The following KPNA3 variants were observed in gnomAD, a reference collection of about 807,000 sequenced individuals.
The protein encoded by KPNA3 is importin subunit alpha-4.
A neutral mutation model predicts 73.8 loss-of-function variants in KPNA3; 13 were observed. The observed-to-expected ratio is 0.18, with a 90% CI of 0.11 to 0.28. KPNA3 has a LOEUF of 0.28. Among genes scored for constraint, KPNA3 ranks in the 10% least tolerant of loss-of-function variants. KPNA3 has a pLI of 1.00. For missense variants in KPNA3, 360 were observed against 618.1 expected (o/e 0.58, Z 4.43); for synonymous variants, 186 against 206.9 (o/e 0.90, Z 0.87).
intron 1 of KPNA3, among the ~76,000 whole-genome samples, chr13:49,751,334 C>T (rs909432379): frequency 6.6e-6 from 1 of 152,132 alleles, no homozygotes; most frequent in African/African-American, 2.4e-5. Flanking sequence ...TGAAATCAAA[C>T]AAGTCAACCA....
intron 10 of KPNA3, among the ~76,000 whole-genome samples, chr13:49,716,587 CATCATGATGCCCAGCTA>C (rs1954306162): frequency 6.6e-6 from 1 of 152,164 alleles, no homozygotes; most frequent in Admixed American, 6.5e-5. Context: ...TACAGGCACG[CATCATGATGCCCAGCTA>C]ATTTTTGTAT....
intron 6 of KPNA3, among the ~76,000 whole-genome samples, chr13:49,731,003 A>AT (rs1954463223): frequency 6.6e-6 from 1 of 151,112 alleles, no homozygotes; most frequent in African/African-American, 2.4e-5. Context: ...GATGGTCTCG[A>AT]TCTCCTGACC....
chr13:49,735,753 G>GT (rs1018580699), intron 2 of KPNA3, among the ~76,000 whole-genome samples: 1 of 152,116 alleles, frequency 6.6e-6, no homozygotes, highest in Non-Finnish European at 1.5e-5. Context: ...ACGTATGCAT[G>GT]TATCTACCTA....
Position 49,717,440 on chromosome 13 carries a change from G to GAAAAAAAAAAAAAA in KPNA3, c.771+2321_771+2334dup, listed in dbSNP as rs61581557. On this transcript the variant is annotated intron_variant, in intron 10 of 16. Transcript: ENST00000261667. ...GCAAGACTCCATCTCGGAAAAAAAA[G>GAAAAAAAAAAAAAA]AAAAAAAAAAAAAAAAGAATCAAAG... 1.3e-4 allele frequency among the ~76,000 whole-genome samples: 17 copies of GAAAAAAAAAAAAAA among 126,842 alleles called. 1 individual carries two copies. In the East Asian group the frequency reaches 2.2e-3, roughly 17 times the overall value. 83.2% of individuals were successfully genotyped at this position (126,842 alleles called of 152,430 possible). A position where few individuals can be genotyped will look rare whatever the true frequency, so the allele number is the denominator to read the frequency against.
chr13:49,719,123 T>C (rs565751768), intron 10 of KPNA3, among the ~76,000 whole-genome samples: 1 of 152,266 alleles, frequency 6.6e-6, no homozygotes, highest in Admixed American at 6.5e-5. Context: ...AATTTTCAGA[T>C]TGCCTAGATA....
intron 13 of KPNA3, 46 bp from the exon 14 acceptor site, chr13:49,706,215 A>T (rs1340565895): frequency 6.2e-7 from 1 of 1,611,124 alleles, no homozygotes; most frequent in Admixed American, 1.7e-5. Context: ...TTATCCAAAA[A>T]GTCTTGGTTA....
intron 1 of KPNA3, among the ~76,000 whole-genome samples, chr13:49,766,507 G>A (rs1038662989): frequency 6.6e-6 from 1 of 152,048 alleles, no homozygotes; most frequent in African/African-American, 2.4e-5. Flanking sequence ...TCCTGTGCTA[G>A]TGAGACCATC....
In KPNA3 at chr13:49,699,415, C is replaced by T. The variant is rs1192632211; in HGVS notation, c.*2385G>A. 6.6e-6 allele frequency: 1 copy of T among 152,416 alleles called. No homozygotes were observed. The highest frequency in any genetic ancestry group is 1.5e-5 in the Non-Finnish European group (1 of 68,006). The allele number at this position is 152,416 out of a possible 1,614,324, so 9.4% of individuals were successfully genotyped here. A position where few individuals can be genotyped will look rare whatever the true frequency, so the allele number is the denominator to read the frequency against. On this transcript the variant is annotated 3_prime_UTR_variant, in exon 17 of 17. Coordinates refer to ENST00000261667, the MANE Select transcript of KPNA3 (RefSeq NM_002267.4). ...CATTTAGATGCCTCTTTTGAAAGAA[C>T]GTTTTAGTCTTTTTAAACTGAGTTT...
At chr13:49,787,455 C>A (rs1468299170) in intron 1 of KPNA3, among the ~76,000 whole-genome samples, 1 of 152,190 alleles carries the variant, frequency 6.6e-6, no homozygotes, top group African/African-American at 2.4e-5. Flanking sequence ...GTCTTAGACT[C>A]CCTTCGGTGG....
At chr13:49,769,606 A>G (rs888527687) in intron 1 of KPNA3, among the ~76,000 whole-genome samples, 2 of 152,204 alleles carry the variant, frequency 1.3e-5, no homozygotes, top group Non-Finnish European at 2.9e-5. Flanking sequence ...AGCATGTATA[A>G]ATACTTTACT....
At chr13:49,722,876 C>T (rs1954373160) in intron 7 of KPNA3, among the ~76,000 whole-genome samples, 1 of 138,820 alleles carries the variant, frequency 7.2e-6, no homozygotes, top group African/African-American at 2.6e-5. Flanking sequence ...AAACATGTAA[C>T]CTTAAAATGT....
At chr13:49,767,108 T>A (rs961129060) in intron 1 of KPNA3, among the ~76,000 whole-genome samples, 5 of 151,606 alleles carry the variant, frequency 3.3e-5, no homozygotes, top group Non-Finnish European at 7.4e-5. Context: ...TACCATGAAA[T>A]AATTTAATAC....
At position 49,701,768 on chromosome 13, in the gene KPNA3, G is replaced by T; in HGVS notation, c.*32C>A. On this transcript the variant is annotated 3_prime_UTR_variant, in exon 17 of 17. Coordinates refer to ENST00000261667, the MANE Select transcript of KPNA3 (RefSeq NM_002267.4). ...TAGCCATCTGGTGGTGCTTCATATT[G>T]AATGTGGGAAAGATGCTGCACTCAA... 1 of 1,308,668 alleles carries T rather than the reference G, an allele frequency of 7.6e-7. No individual in the cohort carries two copies. The highest frequency in any genetic ancestry group is 1.1e-6 in the Non-Finnish European group (1 of 902,110). The allele number at this position is 1,308,668 out of a possible 1,614,324, so 81.1% of individuals were successfully genotyped here.
intron 1 of KPNA3, among the ~76,000 whole-genome samples, chr13:49,790,292 C>T (rs891386222): frequency 1.3e-5 from 2 of 152,128 alleles, no homozygotes; most frequent in Non-Finnish European, 2.9e-5. Context: ...CAAAGCGAGA[C>T]CCCGTCTCTA....
intron 1 of KPNA3, among the ~76,000 whole-genome samples, chr13:49,778,852 CCCT>C (rs1193484939): frequency 1.3e-5 from 2 of 152,170 alleles, no homozygotes; most frequent in African/African-American, 2.4e-5. Flanking sequence ...AAGCAATCCT[CCCT>C]CCTCTGTCTT....
intron 1 of KPNA3, among the ~76,000 whole-genome samples, chr13:49,751,268 T>C (rs971375880): frequency 6.6e-6 from 1 of 152,112 alleles, no homozygotes; most frequent in Non-Finnish European, 1.5e-5. Flanking sequence ...ACCATCCAAA[T>C]AGTTTCAAGA....
chr13:49,777,249 T>G (rs567623345), intron 1 of KPNA3, among the ~76,000 whole-genome samples: 4 of 152,340 alleles, frequency 2.6e-5, no homozygotes, highest in African/African-American at 7.2e-5. Flanking sequence ...TAACACCCTC[T>G]GTAAACACCA....
intron 6 of KPNA3, among the ~76,000 whole-genome samples, chr13:49,731,040 A>G (rs113398671): frequency 0.044 from 6,665 of 151,274 alleles, 467 homozygotes; most frequent in African/African-American, 0.15. Flanking sequence ...TCAGCCTCCC[A>G]AAGTGCTGAG....
chr13:49,733,580 C>T (rs11148160), intron 2 of KPNA3, among the ~76,000 whole-genome samples: 45,393 of 152,032 alleles, frequency 0.3, 7,041 homozygotes, highest in Non-Finnish European at 0.34. Flanking sequence ...TGAGCCACTG[C>T]GCCTTGCCTA....
Sources: allele counts gnomAD v4.1 joint callset (sites outside exome capture counted in the v4.1 genomes callset), GRCh38; gene constraint gnomAD v4.1.1; transcripts MANE v1.5; gene names NCBI Gene and HGNC (gene_info 2026-07-23, HGNC 2026-07-21).